TRAF5: variants seen among roughly 807,000 people sequenced by gnomAD.
TRAF5 encodes TNF receptor associated factor 5, also known as TNF receptor-associated factor 5.
In TRAF5, 48 loss-of-function variants were observed where a neutral mutation model predicts 64.5. The observed-to-expected ratio is 0.74, with a 90% CI of 0.59 to 0.95. The LOEUF (loss-of-function observed/expected upper bound fraction) is 0.95. TRAF5 is among the 40% of genes least tolerant of loss of function. The pLI is 0.00. For missense variants in TRAF5, 545 were observed against 662.8 expected (o/e 0.82, Z 1.95); for synonymous variants, 206 against 240.5 (o/e 0.86, Z 1.33).
chr1:211,356,688 C>A (rs1227902055), intron 4 of TRAF5: 8 of 466,976 alleles, frequency 1.7e-5, no homozygotes, highest in Admixed American at 7.2e-5. Flanking sequence ...GCATGGAGGA[C>A]ATCTTGTATC....
chr1:211,352,927 G>A (rs549836855), intron 1 of TRAF5, among the ~76,000 whole-genome samples: 50 of 152,262 alleles, frequency 3.3e-4, no homozygotes, highest in African/African-American at 1.0e-3. Flanking sequence ...GCTATATTTT[G>A]TCCAAGCATA....
Position 211,326,855 on chromosome 1 carries a change from G to A in TRAF5, c.-36G>A. The A allele has an allele frequency of 1.0e-6, 1 of 984,870 alleles. No individual in the cohort carries two copies. The highest frequency in any genetic ancestry group is 1.2e-6 in the Non-Finnish European group (1 of 829,572). 61.0% of individuals were successfully genotyped at this position (984,870 alleles called of 1,614,324 possible). A position where few individuals can be genotyped will look rare whatever the true frequency, so the allele number is the denominator to read the frequency against. ...GCCAGGAGCAGCAGCCGCGCCTGCAGACCGGCCTCGCGGAGCCCGCGCGCC... is the reference window on the plus strand; with the variant it reads ...GCCAGGAGCAGCAGCCGCGCCTGCAAACCGGCCTCGCGGAGCCCGCGCGCC... On this transcript the variant is annotated 5_prime_UTR_variant, in exon 1 of 11. Transcript: ENST00000261464. The surrounding 1 kb of genome is among the most constrained non-coding windows in gnomAD (Gnocchi z 5.0).
At position 211,360,896 on chromosome 1, in the gene TRAF5, G is replaced by A. The variant is rs114693622; in HGVS notation, c.621+117G>A. ...GGCCCAGGGCTTAAATTACACGCAT[G>A]ACCATGACGTATCTGTCTTCCCTTC... On this transcript the variant is annotated intron_variant, in intron 6 of 10. Coordinates refer to ENST00000261464, the MANE Select transcript of TRAF5 (RefSeq NM_001033910.3). The A allele has an allele frequency of 5.9e-4, 601 of 1,021,556 alleles. 5 individuals carry two copies. The African/African-American group carries it at 8.9e-3, about 15-fold the overall frequency. 63.3% of individuals were successfully genotyped at this position (1,021,556 alleles called of 1,614,324 possible).
At chr1:211,355,720 C>T (rs1702941733) in intron 3 of TRAF5, among the ~76,000 whole-genome samples, 1 of 152,042 alleles carries the variant, frequency 6.6e-6, no homozygotes. Context: ...TGCATAGAAA[C>T]CCTCATATTT....
chr1:211,365,727 G>GT (rs1389673705), intron 8 of TRAF5, among the ~76,000 whole-genome samples: 1 of 152,120 alleles, frequency 6.6e-6, no homozygotes, highest in Non-Finnish European at 1.5e-5. Context: ...TGTTTTAATC[G>GT]TAAGTAGCAT....
intron 4 of TRAF5, chr1:211,356,678 G>A (rs746176572): frequency 2.7e-5 from 13 of 481,576 alleles, no homozygotes; most frequent in Admixed American, 1.1e-4. Flanking sequence ...TGTATGGAGC[G>A]CATGGAGGAC....
chr1:211,343,638 A>C (rs1177011882), intron 1 of TRAF5, among the ~76,000 whole-genome samples: 1 of 152,140 alleles, frequency 6.6e-6, no homozygotes, highest in Non-Finnish European at 1.5e-5. Flanking sequence ...GTGCTTGGAC[A>C]TAGCCTCAGT....
chr1:211,353,901 A>G (rs1702875657), intron 2 of TRAF5, among the ~76,000 whole-genome samples: 1 of 152,210 alleles, frequency 6.6e-6, no homozygotes. Flanking sequence ...GAGGGAGGAT[A>G]CCAGGAGAGA....
rs138208393 is a variant in TRAF5, at chr1:211,338,253, C to T, written c.-2+11364C>T. Among the ~76,000 whole-genome samples, 6 of 152,292 alleles carry T rather than the reference C, an allele frequency of 3.9e-5. 1 individual carries two copies. Among genetic ancestry groups the T allele is most frequent in the African/African-American group, 1.4e-4 (6 of 41,558 alleles). ...CTAAACTATTATAACAAATGGGTCC[C>T]CCTTCCTCTGGGGTAAGGTGTCCAA... On this transcript the variant is annotated intron_variant, in intron 1 of 10. Coordinates refer to ENST00000261464, the MANE Select transcript of TRAF5 (RefSeq NM_001033910.3).
rs953196366 is a variant in TRAF5, at chr1:211,352,647, TAGTC to T, written c.-1-591_-1-588del. 1.7e-4 allele frequency among the ~76,000 whole-genome samples: 26 copies of T among 151,794 alleles called. 1 individual carries two copies. Among genetic ancestry groups the T allele is most frequent in the Admixed American group, 1.7e-3 (26 of 15,234 alleles). On this transcript the variant is annotated intron_variant, in intron 1 of 10. Coordinates refer to ENST00000261464, the MANE Select transcript of TRAF5 (RefSeq NM_001033910.3). ...TCTCTGAAAAAAAGAAAAAAAGTATTAGTCTGTTTGTGCTGACGTAACAAAATAC... is the reference window on the plus strand; with the variant it reads ...TCTCTGAAAAAAAGAAAAAAAGTATTTGTTTGTGCTGACGTAACAAAATAC...
At chr1:211,360,800 C>G (rs1180079519) in intron 6 of TRAF5, 21 bp downstream of exon 6, 3 of 1,596,250 alleles carry the variant, frequency 1.9e-6, no homozygotes, top group Non-Finnish European at 2.6e-6. Context: ...ATAATCCTCT[C>G]TGTAGATTTT....
intron 1 of TRAF5, among the ~76,000 whole-genome samples, chr1:211,327,241 G>T (rs1030745326): frequency 1.3e-5 from 2 of 152,178 alleles, no homozygotes; most frequent in African/African-American, 2.4e-5. Context: ...GAGGGGCCAG[G>T]TTCCGTCGGG....
Position 211,356,367 on chromosome 1 carries a change from G to T in TRAF5, c.277G>T (p.Val93Phe), listed in dbSNP as rs1242577317. 1 of 1,612,590 alleles carries T rather than the reference G, an allele frequency of 6.2e-7. No individual in the cohort carries two copies. The highest frequency in any genetic ancestry group is 8.5e-7 in the Non-Finnish European group (1 of 1,178,802). The change falls in exon 4 of 11, where the codon GTT (valine) becomes TTT (phenylalanine). Residue 93 changes from valine to phenylalanine, a missense_variant and splice_region_variant. Transcript: ENST00000261464. ...VDKEVIKSQEVFKDNCCKREV... is the reference protein window; with the variant it reads ...VDKEVIKSQEFFKDNCCKREV... ...GAGACCTATTATGTTTATCTTTTAG[G>T]TTTTTAAAGACAATTGTTGCAAAAG... is the stretch of plus-strand genomic sequence containing the variant.
chr1:211,360,322 G>C, intron 5 of TRAF5: 1 of 517,124 alleles, frequency 1.9e-6, no homozygotes, highest in Non-Finnish European at 3.5e-6. Context: ...ATGAATGCTG[G>C]GTGCTGAGTC....
intron 8 of TRAF5, among the ~76,000 whole-genome samples, chr1:211,366,966 ATTGTTTGTTTGT>A (rs1553272282): frequency 5.6e-5 from 6 of 107,596 alleles, no homozygotes; most frequent in Non-Finnish European, 9.4e-5. Flanking sequence ...TGGTCAGCTA[ATTGTTTGTTTGT>A]TTGTTTGTTT....
At chr1:211,353,520 C>A in intron 2 of TRAF5, 63 bp downstream of exon 2, 1 of 1,495,416 alleles carries the variant, frequency 6.7e-7, no homozygotes, top group Non-Finnish European at 9.1e-7. Context: ...GCAACTGTGG[C>A]CACTCAACTG....
Position 211,371,408 on chromosome 1 carries a change from T to C in TRAF5, c.1037T>C (p.Met346Thr), listed in dbSNP as rs754151101. 8 of 1,611,684 alleles carry C rather than the reference T, an allele frequency of 5.0e-6. No individual in the cohort carries two copies. The highest frequency in any genetic ancestry group is 6.8e-6 in the Non-Finnish European group (8 of 1,179,586). Residue 346 changes from methionine to threonine, a missense_variant, in exon 10 of 11, where the codon ATG (methionine) becomes ACG (threonine). Physicochemically the swap from Met to Thr is moderately conservative, Grantham distance 81. Transcript: ENST00000261464. ...QQNKFDLRPL[M>T]EAVDTVKQKI... ...AATAAATTTGACCTGAGACCTTTGA[T>C]GGAAGCAGTTGATACAGTGAAACAG...
Position 211,369,590 on chromosome 1 carries a change from C to T in TRAF5, c.928C>T (p.Gln310Ter), listed in dbSNP as rs146187607. 1 of 1,588,650 alleles carries T rather than the reference C, an allele frequency of 6.3e-7. No homozygotes were observed. Among genetic ancestry groups the T allele is most frequent in the East Asian group, 2.3e-5 (1 of 44,222 alleles). Residue 310 changes from glutamine to a stop codon, truncating the protein, a stop_gained and splice_region_variant, in exon 9 of 11, where the codon CAG (glutamine) becomes TAG (stop). Transcript: ENST00000261464. LOFTEE classifies it high-confidence loss of function. ...GKNGSFLPNI[Q>*]VFASHIDKSA... ...AAATGGAAGCTTCCTCCCAAACATCCAGGTAAGAAATGGCCTTTGCGTTGA... is the reference window on the plus strand; with the variant it reads ...AAATGGAAGCTTCCTCCCAAACATCTAGGTAAGAAATGGCCTTTGCGTTGA...
At chr1:211,364,230 C>T (rs1703276264) in intron 7 of TRAF5, among the ~76,000 whole-genome samples, 1 of 152,168 alleles carries the variant, frequency 6.6e-6, no homozygotes, top group Non-Finnish European at 1.5e-5. Context: ...GAAAAAGCAA[C>T]CATTTCTTCT....
Sources: allele counts gnomAD v4.1 joint callset (sites outside exome capture counted in the v4.1 genomes callset), GRCh38; gene constraint gnomAD v4.1.1; non-coding constraint Gnocchi (gnomAD v3.1); transcripts MANE v1.5; gene names NCBI Gene and HGNC (gene_info 2026-07-23, HGNC 2026-07-21).